XKR6: variants seen among roughly 807,000 people sequenced by gnomAD.
XKR6 encodes the protein XK-related protein 6.
A neutral mutation model predicts 56.7 loss-of-function variants in XKR6; 22 were observed. The observed-to-expected ratio is 0.39, with a 90% CI of 0.28 to 0.55. The LOEUF is 0.55. Ranked by LOEUF, XKR6 falls within the 20% of genes least tolerant of loss-of-function variation. XKR6 has a pLI of 0.66. For missense variants in XKR6, 852 were observed against 889.0 expected, an observed-to-expected ratio of 0.96 and a Z score of 0.53; for synonymous variants, 524 against 387.8, an observed-to-expected ratio of 1.35 and a Z score of -4.13.
chr8:11,200,649 G>A lies in XKR6; in HGVS notation c.691C>T (p.Gln231Ter). ...GVRVSPTPGAQRLCRLSVWIW... is the reference protein window; with the variant it reads ...GVRVSPTPGA Reference sequence around the variant, plus strand: ...CACACGGAGAGGCGACACAGGCGCTGCGCCCCCGGCGTGGGGGAGACCCTC... The same window carrying A: ...CACACGGAGAGGCGACACAGGCGCTACGCCCCCGGCGTGGGGGAGACCCTC... The change falls in exon 1 of 3, where the codon CAG (glutamine) becomes TAG (stop). Residue 231 changes from glutamine (Q) to a stop codon, truncating the protein, a stop_gained. Coordinates refer to ENST00000416569, the MANE Select transcript of XKR6 (RefSeq NM_173683.4). LOFTEE classifies it high-confidence loss of function. The surrounding 1 kb of genome is among the most constrained non-coding windows in gnomAD (Gnocchi z 6.4). 6.4e-7 allele frequency: 1 copy of A among 1,550,624 alleles called. No individual in the cohort carries two copies. The highest frequency in any genetic ancestry group is 8.6e-7 in the Non-Finnish European group (1 of 1,159,750).
Position 11,039,508 on chromosome 8 carries a change from C to T in XKR6, c.765-114678G>A, listed in dbSNP as rs554090600. 9.1e-4 allele frequency among the ~76,000 whole-genome samples: 139 copies of T among 152,322 alleles called. 1 individual carries two copies. The highest frequency in any genetic ancestry group is 3.2e-3 in the African/African-American group (132 of 41,564). ...TAACTTCTGTGTGCCTTTTCTCTTC[C>T]GAGATGAGGACATTGGGCCTTGACG... On this transcript the variant is annotated intron_variant, in intron 1 of 2. Coordinates refer to ENST00000416569, the MANE Select transcript of XKR6 (RefSeq NM_173683.4).
chr8:11,187,236 T>C (rs1286327297), intron 1 of XKR6, among the ~76,000 whole-genome samples: 1 of 152,176 alleles, frequency 6.6e-6, no homozygotes, highest in Non-Finnish European at 1.5e-5. Flanking sequence ...GGAGGCAGAA[T>C]GTAAAAGTGG....
chr8:11,137,659 C>T (rs1215900640), intron 1 of XKR6: 1 of 456,230 alleles, frequency 2.2e-6, no homozygotes, highest in African/African-American at 2.0e-5. Flanking sequence ...ATGGTGTGAG[C>T]AATGCAATGT....
chr8:11,070,244 T>A (rs1001944512), intron 1 of XKR6, among the ~76,000 whole-genome samples: 1 of 152,234 alleles, frequency 6.6e-6, no homozygotes, highest in African/African-American at 2.4e-5. Flanking sequence ...GGTTTATGTT[T>A]TTGTAGAACA....
rs542917838 is a variant in XKR6, at chr8:11,181,631, A to C, written c.764+18945T>G. Among the ~76,000 whole-genome samples, 6 of 152,340 alleles carry C rather than the reference A, an allele frequency of 3.9e-5. No individual in the cohort carries two copies. In the South Asian group the frequency reaches 1.2e-3, roughly 32 times the overall value. On this transcript the variant is annotated intron_variant, in intron 1 of 2. Transcript: ENST00000416569. ...ATGTGGAAAGAGGAATAGATAAGGT[A>C]TATAAAGGAAGAAAATTTGGTGAGG...
chr8:11,134,594 T>A (rs1323715451), intron 1 of XKR6, among the ~76,000 whole-genome samples: 1 of 152,122 alleles, frequency 6.6e-6, no homozygotes, highest in Admixed American at 6.5e-5. Flanking sequence ...TTACATTTTG[T>A]ATATTTTTAT....
intron 1 of XKR6, among the ~76,000 whole-genome samples, chr8:10,942,065 C>T (rs1462646756): frequency 6.6e-6 from 1 of 152,174 alleles, no homozygotes; most frequent in Non-Finnish European, 1.5e-5. Context: ...TTTACTCAAA[C>T]CATCTTTACT....
intron 1 of XKR6, among the ~76,000 whole-genome samples, chr8:11,138,999 C>T (rs894891011): frequency 4.0e-5 from 6 of 151,518 alleles, no homozygotes; most frequent in African/African-American, 1.5e-4. Context: ...TAGCTAGTTG[C>T]CACATTCTGG....
At chr8:10,967,194 T>C (rs1257572843) in intron 1 of XKR6, among the ~76,000 whole-genome samples, 3 of 152,194 alleles carry the variant, frequency 2.0e-5, no homozygotes, top group Admixed American at 2.0e-4. Context: ...AGAAAAGCAT[T>C]CATCTTCTCT....
intron 1 of XKR6, among the ~76,000 whole-genome samples, chr8:11,159,720 G>C (rs561020767): frequency 1.3e-5 from 2 of 152,312 alleles, no homozygotes; most frequent in African/African-American, 4.8e-5. Context: ...AAGAACCACT[G>C]AACTAATAAT....
At chr8:11,032,252 A>C (rs974683292) in intron 1 of XKR6, among the ~76,000 whole-genome samples, 2 of 152,224 alleles carry the variant, frequency 1.3e-5, no homozygotes, top group Admixed American at 6.5e-5. Flanking sequence ...AGAAAAAGCA[A>C]AGGAAAACAA....
intron 1 of XKR6, among the ~76,000 whole-genome samples, chr8:11,169,094 G>A (rs1160671934): frequency 6.6e-6 from 1 of 152,174 alleles, no homozygotes; most frequent in Non-Finnish European, 1.5e-5. Context: ...GCCAAGCTGA[G>A]TAGGCTTTCT....
chr8:10,990,156 G>A (rs909852639), intron 1 of XKR6, among the ~76,000 whole-genome samples: 1 of 152,344 alleles, frequency 6.6e-6, no homozygotes, highest in Non-Finnish European at 1.5e-5. Flanking sequence ...TGACAGTCAG[G>A]TATTTGAATG....
chr8:10,960,203 G>A (rs1586358226), intron 1 of XKR6, among the ~76,000 whole-genome samples: 2 of 152,084 alleles, frequency 1.3e-5, no homozygotes, highest in Non-Finnish European at 2.9e-5. Context: ...TGCAGGTACA[G>A]CAGGTGGGTG....
intron 1 of XKR6, among the ~76,000 whole-genome samples, chr8:10,971,629 G>T (rs1223603766): frequency 1.3e-5 from 2 of 152,002 alleles, no homozygotes; most frequent in African/African-American, 4.8e-5. Flanking sequence ...GCCAATCAGT[G>T]GTTTGGCCCT....
Position 11,201,105 on chromosome 8 carries a change from C to T in XKR6, c.235G>A (p.Gly79Ser). 1.3e-6 allele frequency: 2 copies of T among 1,504,194 alleles called. No homozygotes were observed. Among genetic ancestry groups the T allele is most frequent in the South Asian group, 2.4e-5 (2 of 81,922 alleles). The allele number at this position is 1,504,194 out of a possible 1,614,324, so 93.2% of individuals were successfully genotyped here. Residue 79 changes from glycine to serine, a missense_variant, in exon 1 of 3, where the codon GGC becomes AGC. By Grantham distance (56) the Gly-to-Ser change is moderately conservative (BLOSUM62 0). Coordinates refer to ENST00000416569, the MANE Select transcript of XKR6 (RefSeq NM_173683.4). ...GCGGCGCTGCGGCGCGGCTTCCTGC[C>T]CAGGAGGGAGCGCAGGCAGGCGGAG... ...CRSACLRSLL[G>S]RKPRRSAAAD...
rs1210876946 is a variant in XKR6 at position 11,015,221 on chromosome 8, A to C, written c.765-90391T>G. Among the ~76,000 whole-genome samples, 3 of 151,174 alleles carry C rather than the reference A, an allele frequency of 2.0e-5. No individual in the cohort carries two copies. In the East Asian group the frequency reaches 5.8e-4, roughly 29 times the overall value. On this transcript the variant is annotated intron_variant, in intron 1 of 2. Transcript: ENST00000416569. ...TTTTTTTTTTTTTTTAAGTAACCCA[A>C]ATTCTTTTAGTTCCAATTTCAACTT...
chr8:11,104,584 T>G (rs930998379), intron 1 of XKR6: 1 of 137,700 alleles, frequency 7.3e-6, no homozygotes, highest in East Asian at 1.9e-4. Context: ...TTAAAGACAA[T>G]TAATAAAAGT....
chr8:10,928,631 T>A lies in XKR6; in HGVS notation c.765-3801A>T, dbSNP rs996302324. Among the ~76,000 whole-genome samples the A allele has an allele frequency of 3.4e-5, 5 of 147,968 alleles. No individual in the cohort carries two copies. In the East Asian group the frequency reaches 9.7e-4, roughly 29 times the overall value. ...ACACGGTGGCGCCAGACCCTAAGCG[T>A]CGCGGAAACGCCGCTCCAGGCAAGT... On this transcript the variant is annotated intron_variant, in intron 1 of 2. Coordinates refer to ENST00000416569, the MANE Select transcript of XKR6 (RefSeq NM_173683.4).
Sources: gnomAD v4.1 joint callset for allele counts (sites outside exome capture counted in the v4.1 genomes callset) on GRCh38, gnomAD v4.1.1 for gene constraint, Gnocchi (gnomAD v3.1) non-coding constraint, MANE v1.5 for transcripts, NCBI Gene and HGNC (gene_info 2026-07-23, HGNC 2026-07-21) for gene names.